The following KLHL23 variants were observed in gnomAD, a reference collection of about 807,000 sequenced individuals.
The protein encoded by KLHL23 is kelch-like protein 23.
KLHL23 carries 33 observed loss-of-function variants against 48.9 expected under a neutral mutation model. The observed-to-expected ratio is 0.67, with a 90% CI of 0.51 to 0.90. The LOEUF is 0.90. KLHL23 is among the 40% of genes least tolerant of loss of function. The pLI is 0.00. For missense variants in KLHL23, 608 were observed against 669.6 expected, an observed-to-expected ratio of 0.91 and a Z score of 1.02; for synonymous variants, 234 against 231.6, an observed-to-expected ratio of 1.01 and a Z score of -0.09.
In KLHL23 at chr2:169,736,199, A is replaced by G. The variant is rs2288331; in HGVS notation, c.1185A>G (p.Lys395=). The G allele has an allele frequency of 0.16, 253,818 of 1,608,878 alleles. 20,431 individuals are homozygous for G. Among genetic ancestry groups the G allele is most frequent in the Middle Eastern group, 0.18 (1,078 of 6,014 alleles). The change falls in exon 2 of 4, where the codon AAA becomes AAG. Residue 395 remains lysine (K), a synonymous_variant. Transcript: ENST00000392647. ...EAEFYDPLKE[K]WIPIANMIKG... ...AGTTCTATGATCCTTTAAAAGAGAA[A>G]TGGATTCCTATTGCAAACATGATTA...
In KLHL23 at chr2:169,736,006, A is replaced by G; in HGVS notation, c.992A>G (p.Asp331Gly). ...NIYVTGGYRTDNIEALDTVWI... is the reference protein window; with the variant it reads ...NIYVTGGYRTGNIEALDTVWI... The stretch of plus-strand genomic sequence containing the variant: ...TATGTAACTGGGGGCTACAGGACGG[A>G]TAACATAGAAGCTCTTGACACAGTG... The change falls in exon 2 of 4, where the codon GAT becomes GGT. Residue 331 changes from aspartate to glycine, a missense_variant. Physicochemically the swap from Asp to Gly is moderately conservative, Grantham distance 94. Transcript: ENST00000392647. The G allele has an allele frequency of 6.2e-7, 1 of 1,614,198 alleles. No individual in the cohort carries two copies.
intron 3 of KLHL23, among the ~76,000 whole-genome samples, chr2:169,742,353 C>G (rs1181706503): frequency 6.6e-6 from 1 of 152,224 alleles, no homozygotes. Flanking sequence ...CTAAGCACTT[C>G]ATATGTGTAT....
chr2:169,746,794 A>C (rs566064891), intron 3 of KLHL23, among the ~76,000 whole-genome samples: 19 of 152,380 alleles, frequency 1.2e-4, no homozygotes, highest in Non-Finnish European at 2.2e-4. Flanking sequence ...ATAAACTTCA[A>C]GTAATTTAAG....
Position 169,741,446 on chromosome 2 carries a change from T to G in KLHL23, c.1275T>G (p.Cys425Trp). 1 of 1,614,018 alleles carries G rather than the reference T, an allele frequency of 6.2e-7. No individual in the cohort carries two copies. The highest frequency in any genetic ancestry group is 8.5e-7 in the Non-Finnish European group (1 of 1,179,946). Residue 425 changes from cysteine to tryptophan, a missense_variant, in exon 3 of 4, where the codon TGT (cysteine) becomes TGG (tryptophan). Cys to Trp is a radical substitution (Grantham distance 215). Transcript: ENST00000392647. The stretch of plus-strand genomic sequence containing the variant: ...TTATCTACGTCATTGGTGGCCACTG[T>G]GGCTACAGAGGAAGCTGCACCTATG... ...HDVIYVIGGH[C>W]GYRGSCTYDK...
chr2:169,734,959 T>G lies in KLHL23; in HGVS notation c.-2-54T>G, dbSNP rs1442989560. ...TAGTCAAGTTATTTAGCGTTGATTA[T>G]TTGAGAGAATGTGCAACATTGAAAA... On this transcript the variant is annotated intron_variant, in intron 1 of 3. Coordinates refer to ENST00000392647, the MANE Select transcript of KLHL23 (RefSeq NM_144711.6). The G allele has an allele frequency of 2.7e-6, 4 of 1,502,714 alleles. No homozygotes were observed. The African/African-American group carries it at 4.2e-5, about 16-fold the overall frequency. The allele number at this position is 1,502,714 out of a possible 1,614,324, so 93.1% of individuals were successfully genotyped here. A position where few individuals can be genotyped will look rare whatever the true frequency, so the allele number is the denominator to read the frequency against.
Position 169,749,416 on chromosome 2 carries a change from TAAAA to T in KLHL23, c.1367-5_1367-2del. 2 of 1,566,408 alleles carry T rather than the reference TAAAA, an allele frequency of 1.3e-6. No homozygotes were observed. The highest frequency in any genetic ancestry group is 2.0e-5 in the Admixed American group (1 of 49,754). On this transcript the variant is annotated splice_acceptor_variant and splice_polypyrimidine_tract_variant and intron_variant, in intron 3 of 3. Transcript: ENST00000392647. LOFTEE classifies it high-confidence loss of function. ...AAATGCTGTTTTCTTTTTTTCTTTT[TAAAA>T]GAATATGGATTGTGCTCAGTTCCGT...
At chr2:169,747,545 T>G (rs1388882974) in intron 3 of KLHL23, among the ~76,000 whole-genome samples, 1 of 147,906 alleles carries the variant, frequency 6.8e-6, no homozygotes, top group Non-Finnish European at 1.5e-5. Flanking sequence ...CAAGCAATCC[T>G]CCAGCCTCAG....
chr2:169,744,562 AT>A (rs139426346), intron 3 of KLHL23, among the ~76,000 whole-genome samples: 102 of 145,282 alleles, frequency 7.0e-4, no homozygotes, highest in East Asian at 1.0e-3. Flanking sequence ...AGTCTGGGTA[AT>A]TTTTTTTTTT....
At position 169,740,601 on chromosome 2, in the gene KLHL23, A is replaced by G. The variant is rs939488963; in HGVS notation, c.1214-784A>G. On this transcript the variant is annotated intron_variant, in intron 2 of 3. Coordinates refer to ENST00000392647, the MANE Select transcript of KLHL23 (RefSeq NM_144711.6). Reference sequence around the variant, plus strand: ...GTAGCTAGGACTACAGGCGCCCACCACCACGTCCTGCTAATTTTTTGTATT... The same window carrying G: ...GTAGCTAGGACTACAGGCGCCCACCGCCACGTCCTGCTAATTTTTTGTATT... Among the ~76,000 whole-genome samples the G allele has an allele frequency of 5.3e-5, 8 of 149,706 alleles. No individual in the cohort carries two copies. In the East Asian group the frequency reaches 1.2e-3, roughly 22 times the overall value.
chr2:169,741,581 T>G, intron 3 of KLHL23, 44 bp downstream of exon 3: 1 of 1,552,338 alleles, frequency 6.4e-7, no homozygotes, highest in Non-Finnish European at 8.8e-7. Flanking sequence ...GTGATGTAGT[T>G]TAGTAGCATA....
chr2:169,734,420 A>T (rs1373673508), intron 1 of KLHL23, among the ~76,000 whole-genome samples: 1 of 149,202 alleles, frequency 6.7e-6, no homozygotes, highest in African/African-American at 2.5e-5. Context: ...GCCGGGGCCC[A>T]GGCGCGGGGC....
chr2:169,741,135 T>G (rs1486271934), intron 2 of KLHL23: 1 of 336,648 alleles, frequency 3.0e-6, no homozygotes, highest in East Asian at 4.6e-5. Context: ...TGATAGGACA[T>G]TTTCCACTCC....
At chr2:169,740,780 A>ATATATATATATATATG (rs1688659169) in intron 2 of KLHL23, among the ~76,000 whole-genome samples, 1 of 91,238 alleles carries the variant, frequency 1.1e-5, no homozygotes, top group East Asian at 2.5e-4. Flanking sequence ...ATATATATAT[A>ATATATATATATATATG]TATATATATA....
chr2:169,736,262 G>A, intron 2 of KLHL23, 35 bp downstream of exon 2: 1 of 1,554,160 alleles, frequency 6.4e-7, no homozygotes, highest in African/African-American at 1.4e-5. Flanking sequence ...GTATTTTTTA[G>A]ATGTCTGGAG....
chr2:169,736,337 A>T (rs1688517714), intron 2 of KLHL23, 110 bp downstream of exon 2: 1 of 1,392,828 alleles, frequency 7.2e-7, no homozygotes, highest in East Asian at 2.3e-5. Flanking sequence ...AACTATAGTT[A>T]ATTATACAAA....
chr2:169,739,026 C>T (rs1324187454), intron 2 of KLHL23, among the ~76,000 whole-genome samples: 2 of 102,628 alleles, frequency 1.9e-5, no homozygotes, highest in Admixed American at 9.8e-5. Flanking sequence ...CCTCTCCCTC[C>T]TTCTGCCTTC....
intron 3 of KLHL23, among the ~76,000 whole-genome samples, chr2:169,747,407 A>AAAAAAC (rs1688820693): frequency 6.6e-6 from 1 of 150,392 alleles, no homozygotes; most frequent in Admixed American, 6.6e-5. Flanking sequence ...AAAAAAAAAA[A>AAAAAAC]ACTGAGGGAG....
At chr2:169,747,109 C>T (rs1021401309) in intron 3 of KLHL23, among the ~76,000 whole-genome samples, 1 of 152,088 alleles carries the variant, frequency 6.6e-6, no homozygotes, top group Non-Finnish European at 1.5e-5. Context: ...GAGGGCCAGG[C>T]ACGGTGGCTC....
Position 169,735,878 on chromosome 2 carries a change from G to A in KLHL23, c.864G>A (p.Glu288=), listed in dbSNP as rs764271710. 2.5e-6 allele frequency: 4 copies of A among 1,614,106 alleles called. No individual in the cohort carries two copies. In the South Asian group the frequency reaches 3.3e-5, roughly 13 times the overall value. ...GCTATTACTGGCATCCTTTATCAGA[G>A]GTTCACATATGGGATCCTTTGACAA... The part of the protein sequence containing the change: ...IGGYYWHPLS[E]VHIWDPLTNV... Residue 288 remains glutamate (E), a synonymous_variant, in exon 2 of 4, where the codon GAG becomes GAA. Coordinates refer to ENST00000392647, the MANE Select transcript of KLHL23 (RefSeq NM_144711.6). The surrounding 1 kb of genome is among the most constrained non-coding windows in gnomAD (Gnocchi z 4.5).
Sources: allele counts gnomAD v4.1 joint callset (sites outside exome capture counted in the v4.1 genomes callset), GRCh38; gene constraint gnomAD v4.1.1; non-coding constraint Gnocchi (gnomAD v3.1); transcripts MANE v1.5; gene names NCBI Gene and HGNC (gene_info 2026-07-23, HGNC 2026-07-21).